TMEM178B: variants seen among roughly 807,000 people sequenced by gnomAD.
The protein encoded by TMEM178B is transmembrane protein 178B.
TMEM178B carries 5 observed loss-of-function variants against 31.0 expected under a neutral mutation model. That is an observed-to-expected ratio of 0.16 (90% CI 0.08 to 0.34). TMEM178B has a LOEUF of 0.34. Ranked by LOEUF, TMEM178B falls within the 10% of genes least tolerant of loss-of-function variation. TMEM178B has a pLI of 1.00. For missense variants in TMEM178B, 275 were observed against 400.3 expected (o/e 0.69, Z 2.67); for synonymous variants, 164 against 164.0 (o/e 1.00, Z 0.00).
intron 2 of TMEM178B, among the ~76,000 whole-genome samples, chr7:141,240,075 T>C (rs768143526): frequency 1.3e-5 from 2 of 152,258 alleles, no homozygotes; most frequent in Non-Finnish European, 2.9e-5. Flanking sequence ...TATTTTGTAC[T>C]AGGTCTTTGA....
intron 2 of TMEM178B, among the ~76,000 whole-genome samples, chr7:141,330,705 A>G (rs1362406666): frequency 1.3e-5 from 2 of 152,216 alleles, no homozygotes; most frequent in Non-Finnish European, 2.9e-5. Flanking sequence ...TTCAGTGGGA[A>G]GCCACTGGGA....
chr7:141,129,462 A>G (rs1795559339), intron 1 of TMEM178B, among the ~76,000 whole-genome samples: 1 of 152,162 alleles, frequency 6.6e-6, no homozygotes, highest in African/African-American at 2.4e-5. Context: ...GTACACACCC[A>G]TGTCACCAGC....
chr7:141,377,648 G>A (rs1181069127), intron 2 of TMEM178B, among the ~76,000 whole-genome samples: 1 of 151,682 alleles, frequency 6.6e-6, no homozygotes, highest in African/African-American at 2.4e-5. Flanking sequence ...TCCAGCCTGG[G>A]CAACAAAGAG....
intron 2 of TMEM178B, among the ~76,000 whole-genome samples, chr7:141,382,503 A>T (rs1800336621): frequency 6.6e-6 from 1 of 152,224 alleles, no homozygotes; most frequent in Non-Finnish European, 1.5e-5. Context: ...CTCATAAATT[A>T]TGTTTTCTAA....
chr7:141,460,964 T>C (rs189794758), intron 3 of TMEM178B, among the ~76,000 whole-genome samples: 23 of 152,336 alleles, frequency 1.5e-4, no homozygotes, highest in Non-Finnish European at 3.2e-4. Flanking sequence ...GATGCAATCG[T>C]GTATAATTCA....
At chr7:141,288,151 G>T (rs1253716089) in intron 2 of TMEM178B, among the ~76,000 whole-genome samples, 2 of 151,738 alleles carry the variant, frequency 1.3e-5, no homozygotes, top group Admixed American at 6.6e-5. Context: ...TCCAACTCTG[G>T]CAGACAGCTG....
chr7:141,474,172 C>T lies in TMEM178B; in HGVS notation c.*3386C>T, dbSNP rs1802312727. On this transcript the variant is annotated 3_prime_UTR_variant, in exon 4 of 4. Coordinates refer to ENST00000565468, the MANE Select transcript of TMEM178B (RefSeq NM_001195278.2). ...TGGGGCCCATTGCAACTTTTATTTC[C>T]TTCCCTACTCTACTACCTTGAGATT... The T allele has an allele frequency of 6.6e-6, 1 of 152,192 alleles. No homozygotes were observed. The highest frequency in any genetic ancestry group is 2.4e-5 in the African/African-American group (1 of 41,434). 9.4% of individuals were successfully genotyped at this position (152,192 alleles called of 1,614,324 possible).
chr7:141,191,543 A>AT (rs1191157091), intron 1 of TMEM178B, among the ~76,000 whole-genome samples: 1 of 152,246 alleles, frequency 6.6e-6, no homozygotes, highest in Non-Finnish European at 1.5e-5. Flanking sequence ...CTTGGCCAGA[A>AT]TGATAGTTAC....
At chr7:141,153,609 C>T (rs569972127) in intron 1 of TMEM178B, among the ~76,000 whole-genome samples, 37 of 152,330 alleles carry the variant, frequency 2.4e-4, no homozygotes, top group Non-Finnish European at 4.6e-4. Flanking sequence ...TCATTCTTCA[C>T]AACTCTGCTG....
intron 2 of TMEM178B, among the ~76,000 whole-genome samples, chr7:141,288,900 A>G (rs977734292): frequency 1.3e-5 from 2 of 152,178 alleles, no homozygotes; most frequent in East Asian, 1.9e-4. Flanking sequence ...CACCTGCCCT[A>G]TCAGACTGAC....
At chr7:141,464,769 C>T (rs1802121453) in intron 3 of TMEM178B, among the ~76,000 whole-genome samples, 1 of 152,144 alleles carries the variant, frequency 6.6e-6, no homozygotes, top group Non-Finnish European at 1.5e-5. Context: ...AGTTACTATG[C>T]CACCAATGCC....
intron 1 of TMEM178B, among the ~76,000 whole-genome samples, chr7:141,119,846 G>A (rs1795381348): frequency 1.3e-5 from 2 of 152,168 alleles, no homozygotes; most frequent in African/African-American, 4.8e-5. Flanking sequence ...GGCATTGCGG[G>A]CTCTCTTTTC....
chr7:141,291,598 G>A (rs1035303373), intron 2 of TMEM178B, among the ~76,000 whole-genome samples: 7 of 152,040 alleles, frequency 4.6e-5, no homozygotes, highest in African/African-American at 1.5e-4. Context: ...CTGCCCCAGG[G>A]GGAGGTGGTA....
At chr7:141,142,520 A>G (rs113416515) in intron 1 of TMEM178B, among the ~76,000 whole-genome samples, 9,212 of 148,878 alleles carry the variant, frequency 0.062, 940 homozygotes, top group African/African-American at 0.22. Flanking sequence ...CCATTGTCCT[A>G]CCTCAGCCTC....
intron 2 of TMEM178B, among the ~76,000 whole-genome samples, chr7:141,413,666 T>C (rs963302976): frequency 8.5e-5 from 13 of 152,242 alleles, no homozygotes; most frequent in African/African-American, 2.9e-4. Context: ...CTTTGTGGAA[T>C]CCAAATGCCT....
At chr7:141,510,685 C>CAAAAAAAAAAAAAAAAAAAAAAAAA in the TMEM178B span, among the ~76,000 whole-genome samples, 58 of 24,964 alleles carry the variant, frequency 2.3e-3, 11 homozygotes, top group Non-Finnish European at 3.1e-3. Context: ...AACTCCGTCT[C>CAAAAAAAAAAAAAAAAAAAAAAAAA]AAAAAAAAAA....
chr7:141,114,683 C>A (rs768401142), intron 1 of TMEM178B, among the ~76,000 whole-genome samples: 24 of 152,344 alleles, frequency 1.6e-4, no homozygotes. Context: ...GCTTTCTCCC[C>A]CTCCTGGGCT....
At chr7:141,110,571 C>A (rs977855062) in intron 1 of TMEM178B, among the ~76,000 whole-genome samples, 9 of 152,184 alleles carry the variant, frequency 5.9e-5, no homozygotes, top group Admixed American at 3.9e-4. Flanking sequence ...CACATGTGTC[C>A]TCTCCTTTTT....
chr7:141,383,393 G>A (rs1442094203), intron 2 of TMEM178B, among the ~76,000 whole-genome samples: 6 of 119,206 alleles, frequency 5.0e-5, no homozygotes, highest in African/African-American at 1.6e-4. Context: ...AACAGGCCCC[G>A]GTGTGTGATG....
Sources: gnomAD v4.1 joint callset for allele counts (sites outside exome capture counted in the v4.1 genomes callset) on GRCh38, gnomAD v4.1.1 for gene constraint, MANE v1.5 for transcripts, NCBI Gene and HGNC (gene_info 2026-07-23, HGNC 2026-07-21) for gene names.